Variants in SLC8A1 observed in about 807,000 individuals in gnomAD.
The protein encoded by SLC8A1 is sodium/calcium exchanger 1.
A neutral mutation model predicts 68.3 loss-of-function variants in SLC8A1; 18 were observed. That is an observed-to-expected ratio of 0.26 (90% CI 0.18 to 0.39). SLC8A1 has a LOEUF of 0.39. Among genes scored for constraint, SLC8A1 ranks in the 10% least tolerant of loss-of-function variants. SLC8A1 has a pLI of 1.00. For synonymous variants in SLC8A1, 475 were observed against 415.5 expected (o/e 1.14, Z -1.74); for missense variants, 985 against 1,156.7 (o/e 0.85, Z 2.15).
rs994893197 is a variant in SLC8A1, at chr2:40,301,413, A to G, written c.1809-123558T>C. Among the ~76,000 whole-genome samples the G allele has an allele frequency of 7.9e-5, 12 of 152,364 alleles. No homozygotes were observed. The East Asian group carries it at 9.6e-4, about 12-fold the overall frequency. On this transcript the variant is annotated intron_variant, in intron 2 of 7. Coordinates refer to ENST00000406785, the Ensembl canonical transcript of SLC8A1. The stretch of plus-strand genomic sequence containing the variant: ...AATCTGAACTGATTACCTTCAGGCT[A>G]TAACTGTCTTCAAAGTTTCAGGTTT...
exon 1 of SLC8A1, chr2:40,512,416 T>A (rs1254637747): frequency 6.6e-6 from 1 of 152,246 alleles, no homozygotes; most frequent in Non-Finnish European, 1.5e-5. Context: ...TATGATGCCT[T>A]CTCTAAATTT....
chr2:40,146,795 T>C (rs1225804497), intron 6 of SLC8A1, among the ~76,000 whole-genome samples: 1 of 152,166 alleles, frequency 6.6e-6, no homozygotes, highest in Non-Finnish European at 1.5e-5. Flanking sequence ...GAGAAGACAC[T>C]ATACAGGCCC....
intron 2 of SLC8A1, among the ~76,000 whole-genome samples, chr2:40,335,870 G>A (rs1361455743): frequency 1.3e-5 from 2 of 152,208 alleles, no homozygotes; most frequent in Non-Finnish European, 2.9e-5. Context: ...GAGCCTATCA[G>A]AGAAATTCAA....
At chr2:40,121,799 T>A in intron 7 of SLC8A1, among the ~76,000 whole-genome samples, 1 of 152,228 alleles carries the variant, frequency 6.6e-6, no homozygotes, top group Admixed American at 6.5e-5. Context: ...TCTATACTTT[T>A]AAGGAGTTAT....
intron 2 of SLC8A1, among the ~76,000 whole-genome samples, chr2:40,343,257 G>A (rs1338700256): frequency 6.6e-6 from 1 of 151,910 alleles, no homozygotes; most frequent in Non-Finnish European, 1.5e-5. Context: ...AATCTTATTT[G>A]GCCATAGGAT....
chr2:40,224,324 T>C lies in SLC8A1; in HGVS notation c.1809-46469A>G, dbSNP rs180791538. 9.9e-5 allele frequency among the ~76,000 whole-genome samples: 15 copies of C among 152,252 alleles called. No individual in the cohort carries two copies. The East Asian group carries it at 2.7e-3, about 28-fold the overall frequency. On this transcript the variant is annotated intron_variant, in intron 2 of 7. Transcript: ENST00000406785. Reference sequence around the variant, plus strand: ...AGTCAGAGAGGCCAACAGTGTACTTTGTCTCTCATAAGATTTGCTTGGAAT... The same window carrying C: ...AGTCAGAGAGGCCAACAGTGTACTTCGTCTCTCATAAGATTTGCTTGGAAT...
intron 1 of SLC8A1, among the ~76,000 whole-genome samples, chr2:40,439,620 G>C (rs998231668): frequency 4.6e-5 from 7 of 152,008 alleles, no homozygotes; most frequent in African/African-American, 1.7e-4. Flanking sequence ...GTAAATGCTG[G>C]TTGTGTGAGC....
chr2:40,124,842 C>G (rs1011729847), intron 7 of SLC8A1, among the ~76,000 whole-genome samples: 4 of 152,236 alleles, frequency 2.6e-5, no homozygotes, highest in African/African-American at 2.4e-5. Flanking sequence ...TCATGACACA[C>G]TGCTTTGTGA....
chr2:40,286,716 A>G (rs2068374109), intron 2 of SLC8A1, among the ~76,000 whole-genome samples: 1 of 152,182 alleles, frequency 6.6e-6, no homozygotes, highest in African/African-American at 2.4e-5. Flanking sequence ...CACACTCTTC[A>G]CAACCATTCT....
intron 1 of SLC8A1, among the ~76,000 whole-genome samples, chr2:40,435,942 A>ATTTTTTTTTTTTTTTTTTTTTTTT (rs59783278): frequency 8.0e-6 from 1 of 125,418 alleles, no homozygotes; most frequent in Non-Finnish European, 1.7e-5. Flanking sequence ...ATGCTCGGCT[A>ATTTTTTTTTTTTTTTTTTTTTTTT]TTTTTTTTTT....
chr2:40,110,917 T>TATCA (rs2034517081), exon 8 of SLC8A1: 1 of 152,152 alleles, frequency 6.6e-6, no homozygotes, highest in African/African-American at 2.4e-5. Flanking sequence ...ATCAGATGTA[T>TATCA]ATCAGTCTCG....
intron 2 of SLC8A1, among the ~76,000 whole-genome samples, chr2:40,354,910 C>A (rs573618810): frequency 6.6e-6 from 1 of 152,110 alleles, no homozygotes; most frequent in South Asian, 2.1e-4. Flanking sequence ...TAGAAATATC[C>A]CTGGAAAACT....
chr2:40,462,627 G>C (rs1198068363), intron 1 of SLC8A1, among the ~76,000 whole-genome samples: 1 of 151,662 alleles, frequency 6.6e-6, no homozygotes, highest in Non-Finnish European at 1.5e-5. Context: ...GAGCAACCTA[G>C]TGAGAACTCA....
intron 1 of SLC8A1, among the ~76,000 whole-genome samples, chr2:40,432,077 G>C (rs892757139): frequency 1.3e-5 from 2 of 152,084 alleles, no homozygotes; most frequent in East Asian, 3.9e-4. Context: ...TGCTTGTTCA[G>C]TCTTTGAAAG....
At chr2:40,479,565 A>C (rs1277991990) in intron 1 of SLC8A1, among the ~76,000 whole-genome samples, 1 of 152,154 alleles carries the variant, frequency 6.6e-6, no homozygotes, top group Non-Finnish European at 1.5e-5. Context: ...TATATTCTAT[A>C]GATGAGGAAA....
intron 2 of SLC8A1, among the ~76,000 whole-genome samples, chr2:40,379,406 C>T (rs1221261362): frequency 6.6e-6 from 1 of 152,036 alleles, no homozygotes; most frequent in Non-Finnish European, 1.5e-5. Context: ...TTGTTTTCTT[C>T]CTTCAACCAT....
chr2:40,417,113 C>T (rs1694108050), intron 2 of SLC8A1, among the ~76,000 whole-genome samples: 1 of 152,080 alleles, frequency 6.6e-6, no homozygotes, highest in Non-Finnish European at 1.5e-5. Context: ...TCTCCTATCT[C>T]TCAGTCTTGT....
At chr2:40,148,915 A>G (rs2042934114) in intron 6 of SLC8A1, among the ~76,000 whole-genome samples, 1 of 152,164 alleles carries the variant, frequency 6.6e-6, no homozygotes, top group South Asian at 2.1e-4. Context: ...GGGTGCTGAC[A>G]ATCTTGTTTG....
intron 2 of SLC8A1, among the ~76,000 whole-genome samples, chr2:40,236,851 C>T (rs1340236136): frequency 7.3e-5 from 11 of 150,778 alleles, no homozygotes; most frequent in East Asian, 1.9e-4. Context: ...ATTTCTCCTT[C>T]GCTTATGAAG....
Sources: gnomAD v4.1 joint callset for allele counts (sites outside exome capture counted in the v4.1 genomes callset) on GRCh38, gnomAD v4.1.1 for gene constraint, MANE v1.5 for transcripts, NCBI Gene and HGNC (gene_info 2026-07-23, HGNC 2026-07-21) for gene names.